The following ATAD5 variants were observed in gnomAD, a reference collection of about 807,000 sequenced individuals.
The protein encoded by ATAD5 is ATPase family AAA domain containing 5.
A neutral mutation model predicts 176.9 loss-of-function variants in ATAD5; 58 were observed. That is an observed-to-expected ratio of 0.33 (90% CI 0.27 to 0.41). The LOEUF (loss-of-function observed/expected upper bound fraction) is 0.41. ATAD5 is among the 10% of genes least tolerant of loss of function. ATAD5 has a pLI of 1.00. For missense variants in ATAD5, 1,789 were observed against 2,094.1 expected, an observed-to-expected ratio of 0.85 and a Z score of 2.84; for synonymous variants, 640 against 712.6, an observed-to-expected ratio of 0.90 and a Z score of 1.62.
chr17:30,880,334 C>T (rs992698421), intron 18 of ATAD5, among the ~76,000 whole-genome samples: 5 of 151,954 alleles, frequency 3.3e-5, no homozygotes, highest in African/African-American at 1.2e-4. Context: ...CCTGGCCGGG[C>T]GTAGTGGCTC....
intron 1 of ATAD5, among the ~76,000 whole-genome samples, chr17:30,833,763 C>G (rs2142296150): frequency 6.6e-6 from 1 of 152,346 alleles, no homozygotes; most frequent in South Asian, 2.1e-4. Flanking sequence ...TCACTGCAAC[C>G]TCCGCCTCCC....
rs1284413128 is a variant in ATAD5, at chr17:30,858,288, A to G, written c.2921A>G (p.His974Arg). ...FPLLLKKQIEHQVLSSECHSK... is the reference protein window; with the variant it reads ...FPLLLKKQIERQVLSSECHSK... ...TTACTCCTAAAAAAACAAATTGAGC[A>G]CCAAGTACTTTCTTCCGAGTGTCAT... is the stretch of plus-strand genomic sequence containing the variant. The change falls in exon 9 of 23, where the codon CAC (histidine) becomes CGC (arginine). Residue 974 changes from histidine to arginine, a missense_variant. By Grantham distance (29) the His-to-Arg change is conservative. Transcript: ENST00000321990. 12 of 1,573,900 alleles carry G rather than the reference A, an allele frequency of 7.6e-6. No homozygotes were observed. Among genetic ancestry groups the G allele is most frequent in the Non-Finnish European group, 8.6e-6 (10 of 1,160,306 alleles).
chr17:30,861,532 A>AT (rs1312533158), intron 10 of ATAD5, among the ~76,000 whole-genome samples: 1 of 151,586 alleles, frequency 6.6e-6, no homozygotes. Context: ...TTATTTTTTT[A>AT]TTTTTTATTT....
Position 30,835,681 on chromosome 17 carries a change from T to G in ATAD5, c.1600T>G (p.Phe534Val). The G allele has an allele frequency of 6.2e-7, 1 of 1,607,610 alleles. No homozygotes were observed. Among genetic ancestry groups the G allele is most frequent in the Non-Finnish European group, 8.5e-7 (1 of 1,177,712 alleles). Reference sequence around the variant, plus strand: ...AGAGTTTTTCAAAAGCAGCACTTTATTTAACAATGAAAGTCTTGTTTATGA... The same window carrying G: ...AGAGTTTTTCAAAAGCAGCACTTTAGTTAACAATGAAAGTCTTGTTTATGA... ...KTEFFKSSTLFNNESLVYEDI... is the reference protein window; with the variant it reads ...KTEFFKSSTLVNNESLVYEDI... The change falls in exon 2 of 23, where the codon TTT (phenylalanine) becomes GTT (valine). Residue 534 changes from phenylalanine to valine, a missense_variant. Coordinates refer to ENST00000321990, the MANE Select transcript of ATAD5 (RefSeq NM_024857.5).
chr17:30,892,559 A>C, intron 19 of ATAD5, 48 bp from the exon 20 acceptor site: 1 of 1,309,484 alleles, frequency 7.6e-7, no homozygotes, highest in Admixed American at 2.7e-5. Flanking sequence ...TGTTTGATAC[A>C]ATTTGTTTAA....
In ATAD5 at chr17:30,876,478, G is replaced by A. The variant is rs1441279293; in HGVS notation, c.3712G>A (p.Ala1238Thr). The A allele has an allele frequency of 6.2e-7, 1 of 1,606,466 alleles. No individual in the cohort carries two copies. The highest frequency in any genetic ancestry group is 8.5e-7 in the Non-Finnish European group (1 of 1,174,818). Residue 1238 changes from alanine (A) to threonine (T), a missense_variant, in exon 15 of 23, where the codon GCA becomes ACA. By Grantham distance (58) the Ala-to-Thr change is moderately conservative. Transcript: ENST00000321990. ...PKRALPPKTL[A>T]NYFKVSPKPK... ...GCGAGCACTTCCTCCCAAAACCTTG[G>A]CAAATTATTTTAAAGTATCTCCCAA...
intron 17 of ATAD5, among the ~76,000 whole-genome samples, chr17:30,879,172 A>G (rs1336761887): frequency 1.3e-5 from 2 of 151,994 alleles, no homozygotes; most frequent in Non-Finnish European, 2.9e-5. Flanking sequence ...CCCCATCTCT[A>G]CAAAAAAACT....
intron 10 of ATAD5, 93 bp downstream of exon 10, chr17:30,860,705 A>T (rs1011895543): frequency 2.0e-6 from 2 of 1,021,884 alleles, no homozygotes; most frequent in East Asian, 3.1e-5. Flanking sequence ...TATGCTTTTT[A>T]AAAAATTTTA....
At chr17:30,836,192 T>A in intron 2 of ATAD5, 144 bp downstream of exon 2, 1 of 771,744 alleles carries the variant, frequency 1.3e-6, no homozygotes, top group Non-Finnish European at 1.9e-6. Context: ...TTTTTTTTTT[T>A]CTTTGAGATG....
At chr17:30,845,014 G>C in intron 6 of ATAD5, 98 bp downstream of exon 6, 1 of 1,089,130 alleles carries the variant, frequency 9.2e-7, no homozygotes, top group Non-Finnish European at 1.3e-6. Flanking sequence ...ATTATCATTT[G>C]AAGCTCTAGT....
rs529546366 is a variant in ATAD5 at position 30,879,401 on chromosome 17, T to TTG, written c.4013-4_4013-3dup. 3,070 of 1,351,138 alleles carry TTG rather than the reference T, an allele frequency of 2.3e-3. No individual in the cohort carries two copies. Among genetic ancestry groups the TTG allele is most frequent in the Admixed American group, 2.7e-3 (129 of 48,038 alleles). The allele number at this position is 1,351,138 out of a possible 1,614,324, so 83.7% of individuals were successfully genotyped here. A position where few individuals can be genotyped will look rare whatever the true frequency, so the allele number is the denominator to read the frequency against. ...CTTAGTGTTTAAGAATTTTTTTTTT[T>TTG]TGTGTGTGTGTGTGTGTGTAGACCC... On this transcript the variant is annotated intron_variant, in intron 17 of 22. Transcript: ENST00000321990.
At chr17:30,868,653 C>T (rs1443380980) in intron 12 of ATAD5, among the ~76,000 whole-genome samples, 1 of 150,858 alleles carries the variant, frequency 6.6e-6, no homozygotes, top group Non-Finnish European at 1.5e-5. Context: ...ATTACAGGCG[C>T]CTGCCGCCAC....
At position 30,894,401 on chromosome 17, in the gene ATAD5, T is replaced by C. The variant is rs957405319; in HGVS notation, c.5298-163T>C. ...GGAGTTTGGTCTTGCTGTATAGTTA[T>C]TGAGATTTTTTCAGTATGGGAGTGA... On this transcript the variant is annotated intron_variant, in intron 21 of 22. Transcript: ENST00000321990. 7.4e-5 allele frequency among the ~76,000 whole-genome samples: 11 copies of C among 149,354 alleles called. No individual in the cohort carries two copies. The East Asian group carries it at 9.9e-4, about 13-fold the overall frequency.
At chr17:30,856,386 C>T (rs769767145) in intron 7 of ATAD5, among the ~76,000 whole-genome samples, 87 of 152,266 alleles carry the variant, frequency 5.7e-4, no homozygotes, top group Non-Finnish European at 9.6e-4. Flanking sequence ...GGTTTGAATC[C>T]AGGTCTAACT....
At chr17:30,854,502 G>C (rs184107968) in intron 6 of ATAD5, among the ~76,000 whole-genome samples, 1 of 150,038 alleles carries the variant, frequency 6.7e-6, no homozygotes, top group Non-Finnish European at 1.5e-5. Context: ...ATCCTGAGTA[G>C]GTGGGATTAC....
At chr17:30,892,855 C>A in intron 20 of ATAD5, 67 bp downstream of exon 20, 1 of 1,295,522 alleles carries the variant, frequency 7.7e-7, no homozygotes, top group Non-Finnish European at 1.1e-6. Context: ...CATTAGCCTC[C>A]TATCTTTTGA....
chr17:30,894,467 G>A (rs1909809938), intron 21 of ATAD5, 97 bp from the exon 22 acceptor site: 6 of 1,211,144 alleles, frequency 5.0e-6, no homozygotes, highest in Non-Finnish European at 6.9e-6. Context: ...ATGTCATCTG[G>A]TCTAGACCAG....
chr17:30,862,348 A>G (rs1217896831), intron 10 of ATAD5, among the ~76,000 whole-genome samples: 1 of 151,992 alleles, frequency 6.6e-6, no homozygotes, highest in African/African-American at 2.4e-5. Flanking sequence ...GCAAAAAAAA[A>G]GGTAACAAAG....
chr17:30,877,285 AG>A, intron 15 of ATAD5, 130 bp from the exon 16 acceptor site: 1 of 638,430 alleles, frequency 1.6e-6, no homozygotes, highest in Non-Finnish European at 2.6e-6. Flanking sequence ...CTGGGATTAC[AG>A]GCATGAGCCA....
Sources: gnomAD v4.1 joint callset for allele counts (sites outside exome capture counted in the v4.1 genomes callset) on GRCh38, gnomAD v4.1.1 for gene constraint, MANE v1.5 for transcripts, NCBI Gene and HGNC (gene_info 2026-07-23, HGNC 2026-07-21) for gene names.